Variants in DNAJC1 observed in about 807,000 individuals in gnomAD.
The protein encoded by DNAJC1 is dnaJ homolog subfamily C member 1.
Under a neutral mutation model 76.6 loss-of-function variants are expected in DNAJC1, and 58 were observed. That is an observed-to-expected ratio of 0.76 (90% CI 0.61 to 0.94). The LOEUF is 0.94. Ranked by LOEUF, DNAJC1 falls within the 40% of genes least tolerant of loss-of-function variation. The probability of loss-of-function intolerance (pLI) is 0.00; values close to 1 mark genes in which losing one functional copy is unlikely to be tolerated. For synonymous variants in DNAJC1, 258 were observed against 267.9 expected, an observed-to-expected ratio of 0.96 and a Z score of 0.36; for missense variants, 689 against 677.3, an observed-to-expected ratio of 1.02 and a Z score of -0.19.
At chr10:21,814,776 G>T (rs1313342154) in intron 8 of DNAJC1, among the ~76,000 whole-genome samples, 1 of 152,182 alleles carries the variant, frequency 6.6e-6, no homozygotes, top group Non-Finnish European at 1.5e-5. Context: ...CCCTGGATTG[G>T]ATTTATTAAT....
intron 9 of DNAJC1, among the ~76,000 whole-genome samples, chr10:21,787,529 A>T (rs931660930): frequency 1.3e-5 from 2 of 152,186 alleles, no homozygotes; most frequent in Non-Finnish European, 1.5e-5. Context: ...AACAATGAAT[A>T]AACCACTACA....
chr10:21,957,290 T>A (rs987344568), intron 1 of DNAJC1, among the ~76,000 whole-genome samples: 6 of 152,198 alleles, frequency 3.9e-5, no homozygotes, highest in Non-Finnish European at 7.3e-5. Context: ...AAAGAAAGCA[T>A]GGAAGAATAA....
intron 8 of DNAJC1, among the ~76,000 whole-genome samples, chr10:21,854,295 T>C (rs560267097): frequency 1.6e-3 from 232 of 146,014 alleles, no homozygotes; most frequent in Non-Finnish European, 2.7e-3. Flanking sequence ...TACTATACAA[T>C]ATGGTGAAAA....
chr10:21,990,706 T>A (rs1325589334), intron 1 of DNAJC1, among the ~76,000 whole-genome samples: 2 of 152,190 alleles, frequency 1.3e-5, no homozygotes, highest in Non-Finnish European at 2.9e-5. Context: ...TCCACCAACT[T>A]CAGGACTCTA....
chr10:21,781,354 G>C (rs1191397511), intron 9 of DNAJC1, among the ~76,000 whole-genome samples: 1 of 152,164 alleles, frequency 6.6e-6, no homozygotes, highest in East Asian at 1.9e-4. Flanking sequence ...GCACTCCTCA[G>C]CAAATGTAAA....
chr10:21,901,616 C>T (rs769006037), intron 7 of DNAJC1, among the ~76,000 whole-genome samples: 3 of 152,022 alleles, frequency 2.0e-5, no homozygotes, highest in Non-Finnish European at 4.4e-5. Flanking sequence ...TTTTCACTGC[C>T]CCCCATATCT....
intron 8 of DNAJC1, among the ~76,000 whole-genome samples, chr10:21,833,947 G>GT (rs1314586165): frequency 6.6e-6 from 1 of 151,996 alleles, no homozygotes; most frequent in African/African-American, 2.4e-5. Context: ...GGGTAAGTTT[G>GT]TAAAAAAAAA....
intron 8 of DNAJC1, among the ~76,000 whole-genome samples, chr10:21,828,906 T>C (rs1363190169): frequency 3.9e-5 from 6 of 152,254 alleles, no homozygotes; most frequent in Admixed American, 3.9e-4. Flanking sequence ...ATAATCCATA[T>C]AAGGCAGGTT....
At chr10:21,843,484 A>G (rs1835604721) in intron 8 of DNAJC1, among the ~76,000 whole-genome samples, 1 of 142,972 alleles carries the variant, frequency 7.0e-6, no homozygotes, top group African/African-American at 2.6e-5. Flanking sequence ...ACCTCTGCCT[A>G]CTGGGTTCAA....
chr10:21,786,249 A>G (rs1168327429), intron 9 of DNAJC1, among the ~76,000 whole-genome samples: 1 of 151,876 alleles, frequency 6.6e-6, no homozygotes, highest in East Asian at 1.9e-4. Context: ...CTGAGTTACA[A>G]TATGATAAAG....
At chr10:21,789,467 C>T (rs774918727) in intron 9 of DNAJC1, among the ~76,000 whole-genome samples, 2 of 151,978 alleles carry the variant, frequency 1.3e-5, no homozygotes, top group African/African-American at 2.4e-5. Flanking sequence ...ATATGAAAAT[C>T]AAGGAAATAT....
In DNAJC1 at chr10:21,805,990, G is replaced by A. The variant is rs2131641957; in HGVS notation, c.1088C>T (p.Ser363Phe). 1 of 1,611,510 alleles carries A rather than the reference G, an allele frequency of 6.2e-7. No homozygotes were observed. Among genetic ancestry groups the A allele is most frequent in the Non-Finnish European group, 8.5e-7 (1 of 1,179,510 alleles). ...TCTCAGTGAACTCACATCTGTCACA[G>A]ATCGACCCAATTCGTGGGCAATCTT... ...WEKIAHELGR[S>F]VTDVTTKAKQ... Residue 363 changes from serine (S) to phenylalanine (F), a missense_variant, in exon 9 of 12, where the codon TCT becomes TTT. Coordinates refer to ENST00000376980, the MANE Select transcript of DNAJC1 (RefSeq NM_022365.4).
intron 9 of DNAJC1, among the ~76,000 whole-genome samples, chr10:21,793,255 G>C (rs1317007394): frequency 1.3e-5 from 2 of 152,164 alleles, no homozygotes; most frequent in Non-Finnish European, 2.9e-5. Flanking sequence ...GCAGTGAGCT[G>C]AGATTGTGCC....
At chr10:21,834,365 C>G (rs942605740) in intron 8 of DNAJC1, among the ~76,000 whole-genome samples, 2 of 152,222 alleles carry the variant, frequency 1.3e-5, no homozygotes, top group African/African-American at 4.8e-5. Context: ...CGAATGGGAA[C>G]AGCTCTGGTC....
In DNAJC1 at chr10:21,926,028, C is replaced by A. The variant is rs774994336; in HGVS notation, c.371+2478G>T. ...TGTGTCGCCCAGGCTAAGCACAGTG[C>A]GCAACTTCCGCCTCCGGGGTTCAAG... On this transcript the variant is annotated intron_variant, in intron 3 of 11. Transcript: ENST00000376980. Among the ~76,000 whole-genome samples the A allele has an allele frequency of 7.9e-5, 12 of 152,186 alleles. 1 individual carries two copies. Among genetic ancestry groups the A allele is most frequent in the Admixed American group, 1.3e-4 (2 of 15,280 alleles).
At chr10:21,785,948 A>G (rs1048966341) in intron 9 of DNAJC1, among the ~76,000 whole-genome samples, 1 of 152,222 alleles carries the variant, frequency 6.6e-6, no homozygotes, top group Non-Finnish European at 1.5e-5. Context: ...CATTTCCCCT[A>G]TAAGATCACT....
intron 8 of DNAJC1, 71 bp downstream of exon 8, chr10:21,882,211 A>G: frequency 7.2e-7 from 1 of 1,392,602 alleles, no homozygotes; most frequent in Non-Finnish European, 9.8e-7. Flanking sequence ...CTATATCGTG[A>G]GCTAACCCTG....
intron 1 of DNAJC1, among the ~76,000 whole-genome samples, chr10:21,932,043 A>G (rs746114192): frequency 3.9e-5 from 6 of 152,158 alleles, no homozygotes; most frequent in Non-Finnish European, 4.4e-5. Flanking sequence ...ACAAAACGAA[A>G]AAACACTCTG....
At chr10:21,952,592 A>C (rs1837617166) in intron 1 of DNAJC1, among the ~76,000 whole-genome samples, 1 of 152,170 alleles carries the variant, frequency 6.6e-6, no homozygotes, top group African/African-American at 2.4e-5. Flanking sequence ...ACCTATCTCT[A>C]CTAAAAAAAT....
Sources: gnomAD v4.1 joint callset for allele counts (sites outside exome capture counted in the v4.1 genomes callset) on GRCh38, gnomAD v4.1.1 for gene constraint, MANE v1.5 for transcripts, NCBI Gene and HGNC (gene_info 2026-07-23, HGNC 2026-07-21) for gene names.